MOGAT1: variants seen among roughly 807,000 people sequenced by gnomAD.
MOGAT1 encodes the protein 2-acylglycerol O-acyltransferase 1.
In MOGAT1, 32 loss-of-function variants were observed where a neutral mutation model predicts 31.4. That is an observed-to-expected ratio of 1.02 (90% CI 0.77 to 1.37). The LOEUF is 1.37. Among genes scored for constraint, MOGAT1 ranks in the 40% most tolerant of loss-of-function variants. The pLI, the probability that MOGAT1 is intolerant of heterozygous loss-of-function variation, is 0.00. For missense variants in MOGAT1, 426 were observed against 402.0 expected, an observed-to-expected ratio of 1.06 and a Z score of -0.51; for synonymous variants, 145 against 144.5, an observed-to-expected ratio of 1.00 and a Z score of -0.03.
intron 1 of MOGAT1, among the ~76,000 whole-genome samples, chr2:222,672,324 C>G (rs1040477637): frequency 6.6e-6 from 1 of 152,160 alleles, no homozygotes; most frequent in East Asian, 1.9e-4. Context: ...TCTTTGTCTC[C>G]CCACCCTCCT....
Position 222,694,406 on chromosome 2 carries a change from A to G in MOGAT1, c.523A>G (p.Lys175Glu). ...GAAAAGTGTGTCCTACATGGTAAGC[A>G]AGGAGGGAGGTGGAAACATCTCTGT... is the stretch of plus-strand genomic sequence containing the variant. The part of the protein sequence containing the change: ...SKKSVSYMVS[K>E]EGGGNISVIV... Residue 175 changes from lysine to glutamate, a missense_variant, in exon 4 of 6, where the codon AAG becomes GAG. Transcript: ENST00000446656. 1 of 1,613,536 alleles carries G rather than the reference A, an allele frequency of 6.2e-7. No homozygotes were observed. The highest frequency in any genetic ancestry group is 8.5e-7 in the Non-Finnish European group (1 of 1,179,632).
chr2:222,681,840 T>A (rs1277983180), intron 1 of MOGAT1, among the ~76,000 whole-genome samples: 1 of 152,160 alleles, frequency 6.6e-6, no homozygotes, highest in African/African-American at 2.4e-5. Flanking sequence ...GATGGAAAGA[T>A]GTACCTAGCA....
At chr2:222,708,641 T>A (rs575210815) in intron 5 of MOGAT1, among the ~76,000 whole-genome samples, 12 of 152,350 alleles carry the variant, frequency 7.9e-5, no homozygotes, top group African/African-American at 2.2e-4. Flanking sequence ...TCCCCATCCC[T>A]ACGTCCTTAC....
At chr2:222,707,958 G>C (rs1462672112) in intron 5 of MOGAT1, among the ~76,000 whole-genome samples, 3 of 152,178 alleles carry the variant, frequency 2.0e-5, no homozygotes, top group Non-Finnish European at 4.4e-5. Context: ...GACAAAGGTC[G>C]CTCTACTGTG....
chr2:222,709,533 C>T (rs993322219), intron 5 of MOGAT1, among the ~76,000 whole-genome samples: 61 of 152,354 alleles, frequency 4.0e-4, no homozygotes, highest in African/African-American at 1.3e-3. Context: ...AATCCAGTGT[C>T]TGCTGAGGAG....
chr2:222,695,215 CCT>C lies in MOGAT1; in HGVS notation c.781_782del (p.Leu261ValfsTer17). ...AGAAGATCATGGGGTTTGCTTTGCC[CCT>C]GTTTCATGCCAGGGGAGTTTTTCAG... The part of the protein sequence containing the change: ...LQKIMGFALP[L>X]FHARGVFQYN... On this transcript the variant is annotated frameshift_variant, in exon 5 of 6. Coordinates refer to ENST00000446656, the MANE Select transcript of MOGAT1 (RefSeq NM_058165.3). LOFTEE classifies it high-confidence loss of function. 7 of 1,613,694 alleles carry C rather than the reference CCT, an allele frequency of 4.3e-6. No individual in the cohort carries two copies. Among genetic ancestry groups the C allele is most frequent in the Non-Finnish European group, 5.9e-6 (7 of 1,179,788 alleles).
chr2:222,673,331 C>CA (rs57706625), intron 1 of MOGAT1, among the ~76,000 whole-genome samples: 1,869 of 102,226 alleles, frequency 0.018, 60 homozygotes, highest in Non-Finnish European at 0.024. Context: ...TAGAATTTAC[C>CA]AAAAAAAAAA....
At chr2:222,697,219 G>A (rs1215187912) in intron 5 of MOGAT1, among the ~76,000 whole-genome samples, 1 of 152,172 alleles carries the variant, frequency 6.6e-6, no homozygotes, top group Admixed American at 6.5e-5. Context: ...AGCCCATTAA[G>A]TAAAATTCAA....
rs186415945 is a variant in MOGAT1 at position 222,709,841 on chromosome 2, A to G, written c.959A>G (p.His320Arg). 2.5e-6 allele frequency: 4 copies of G among 1,613,692 alleles called. No homozygotes were observed. The highest frequency in any genetic ancestry group is 3.4e-6 in the Non-Finnish European group (4 of 1,179,680). Residue 320 changes from histidine (H) to arginine (R), a missense_variant, in exon 6 of 6, where the codon CAC (histidine) becomes CGC (arginine). Physicochemically the swap from His to Arg is conservative, Grantham distance 29 (BLOSUM62 0). Transcript: ENST00000446656. ...GAACTTAGGAAATTGTTTGAGGAAC[A>G]CAAAGGAAAGTATGGCATTCCAGAG... Reference protein sequence around the residue: ...MEELRKLFEEHKGKYGIPEHE... With the variant: ...MEELRKLFEERKGKYGIPEHE...
chr2:222,679,241 A>G (rs1692545285), intron 1 of MOGAT1, among the ~76,000 whole-genome samples: 1 of 152,160 alleles, frequency 6.6e-6, no homozygotes, highest in South Asian at 2.1e-4. Flanking sequence ...TGTGCCATTG[A>G]TCTGTTCATC....
At chr2:222,707,323 GAGAA>G (rs1693017485) in intron 5 of MOGAT1, among the ~76,000 whole-genome samples, 2 of 138,450 alleles carry the variant, frequency 1.4e-5, no homozygotes, top group South Asian at 2.4e-4. Flanking sequence ...AGGAAGGAAG[GAGAA>G]AGAAAGAAAA....
At chr2:222,672,779 C>T (rs182409910) in intron 1 of MOGAT1, among the ~76,000 whole-genome samples, 78 of 151,960 alleles carry the variant, frequency 5.1e-4, no homozygotes, top group African/African-American at 1.7e-3. Context: ...TTTAAAACTG[C>T]TTTTACATTT....
intron 5 of MOGAT1, among the ~76,000 whole-genome samples, chr2:222,704,597 C>G (rs1403633443): frequency 6.6e-6 from 1 of 151,722 alleles, no homozygotes; most frequent in Non-Finnish European, 1.5e-5. Context: ...GCACTCCAGC[C>G]TGGGCGACAA....
chr2:222,687,128 A>T (rs1385745394), intron 1 of MOGAT1, among the ~76,000 whole-genome samples: 1 of 121,982 alleles, frequency 8.2e-6, no homozygotes, highest in Non-Finnish European at 1.7e-5. Context: ...AAAAAAAAAA[A>T]AAAAAAAAAA....
chr2:222,687,113 CAAAAAAAAAAAA>C (rs1177781176), intron 1 of MOGAT1, among the ~76,000 whole-genome samples: 3 of 22,462 alleles, frequency 1.3e-4, no homozygotes, highest in South Asian at 1.7e-3. Context: ...GACTCCATCT[CAAAAAAAAAAAA>C]AAAAAAAAAA....
At chr2:222,688,118 G>A (rs967804994) in intron 1 of MOGAT1, among the ~76,000 whole-genome samples, 5 of 152,074 alleles carry the variant, frequency 3.3e-5, no homozygotes, top group Non-Finnish European at 7.3e-5. Context: ...GCTATACGAC[G>A]ATTAAATAAA....
chr2:222,697,694 C>T (rs1158927912), intron 5 of MOGAT1, among the ~76,000 whole-genome samples: 4 of 151,584 alleles, frequency 2.6e-5, no homozygotes, highest in African/African-American at 9.7e-5. Flanking sequence ...CTGCCTCAGC[C>T]TCCCAAGTAG....
chr2:222,671,818 G>T lies in MOGAT1; in HGVS notation c.33G>T (p.Gln11His), dbSNP rs1183775996. 6.4e-7 allele frequency: 1 copy of T among 1,554,076 alleles called. No individual in the cohort carries two copies. Among genetic ancestry groups the T allele is most frequent in the South Asian group, 1.2e-5 (1 of 84,222 alleles). MKVEFAPLNIQLARRLQTVAV... is the reference protein window; with the variant it reads MKVEFAPLNIHLARRLQTVAV... ...TAGAGTTTGCACCGCTCAACATCCA[G>T]CTGGCGCGGCGGCTGCAGACGGTGG... is the stretch of plus-strand genomic sequence containing the variant. Residue 11 changes from glutamine to histidine, a missense_variant, in exon 1 of 6, where the codon CAG (glutamine) becomes CAT (histidine). Coordinates refer to ENST00000446656, the MANE Select transcript of MOGAT1 (RefSeq NM_058165.3).
intron 3 of MOGAT1, among the ~76,000 whole-genome samples, chr2:222,692,117 A>G (rs896626682): frequency 6.6e-6 from 1 of 152,200 alleles, no homozygotes; most frequent in African/African-American, 2.4e-5. Context: ...TGATAGAAAG[A>G]TAATTCAGGC....
Sources: gnomAD v4.1 joint callset for allele counts (sites outside exome capture counted in the v4.1 genomes callset) on GRCh38, gnomAD v4.1.1 for gene constraint, MANE v1.5 for transcripts, NCBI Gene and HGNC (gene_info 2026-07-23, HGNC 2026-07-21) for gene names.